The following ITM2A variants were observed in gnomAD, a reference collection of about 807,000 sequenced individuals.
ITM2A encodes integral membrane protein 2A, also known as BRICHOS domain containing 2A.
In ITM2A, 11 loss-of-function variants were observed where a neutral mutation model predicts 16.6. That is an observed-to-expected ratio of 0.66 (90% CI 0.42 to 1.10). ITM2A has a LOEUF of 1.10. Among genes scored for constraint, ITM2A ranks in the 50% least tolerant of loss-of-function variants. The probability of loss-of-function intolerance (pLI) is 0.00; values close to 1 mark genes in which losing one functional copy is unlikely to be tolerated. For synonymous variants in ITM2A, 102 were observed against 71.2 expected (o/e 1.43, Z -2.18); for missense variants, 243 against 206.8 (o/e 1.17, Z -1.07).
rs14518 is a variant in ITM2A, at chrX:79,361,170, G to T, written c.711C>A (p.Asn237Lys). Residue 237 changes from asparagine (N) to lysine (K), a missense_variant, in exon 6 of 6, where the codon AAC (asparagine) becomes AAA (lysine). By Grantham distance (94) the Asn-to-Lys change is moderately conservative. Coordinates refer to ENST00000373298, the MANE Select transcript of ITM2A (RefSeq NM_004867.5). ...LRRRDLLLGF[N>K]KRAIDKCWKI... ...TCCAGCATTTATCAATGGCACGTTT[G>T]TTGAAACCTGTAAGGAAATGTGCAA... is the stretch of plus-strand genomic sequence containing the variant. 1.7e-6 allele frequency: 2 copies of T among 1,194,301 alleles called. No homozygotes were observed. Among genetic ancestry groups the T allele is most frequent in the Non-Finnish European group, 2.3e-6 (2 of 882,562 alleles).
intron 2 of ITM2A, 70 bp downstream of exon 2, chrX:79,363,353 T>A: frequency 1.1e-6 from 1 of 934,601 alleles, no homozygotes. Context: ...ACTACAGAAT[T>A]TTTTAAGTTG....
chrX:79,364,659 T>C (rs1925523314), intron 1 of ITM2A, among the ~76,000 whole-genome samples: 1 of 112,305 alleles, frequency 8.9e-6, no homozygotes, highest in Non-Finnish European at 1.9e-5. Context: ...TTTAGTCTTT[T>C]AGGTCATTAG....
At chrX:79,366,859 C>T (rs760059355) in intron 1 of ITM2A, 12 of 345,475 alleles carry the variant, frequency 3.5e-5, no homozygotes, top group African/African-American at 1.6e-4. Flanking sequence ...TCTCTGACCT[C>T]CCTCCAGGAC....
chrX:79,361,822 C>T (rs1925427334), intron 4 of ITM2A, among the ~76,000 whole-genome samples: 1 of 103,226 alleles, frequency 9.7e-6, no homozygotes, highest in Admixed American at 1.1e-4. Flanking sequence ...CAGCTTTATC[C>T]ATGTCTCTGC....
At chrX:79,365,098 G>A (rs185882164) in intron 1 of ITM2A, among the ~76,000 whole-genome samples, 38 of 111,595 alleles carry the variant, frequency 3.4e-4, no homozygotes, top group African/African-American at 1.1e-3. Context: ...TAAAGATAAA[G>A]TAACTTGCTC....
At chrX:79,363,615 A>G in intron 1 of ITM2A, 61 bp from the exon 2 acceptor site, 1 of 884,378 alleles carries the variant, frequency 1.1e-6, no homozygotes, top group Non-Finnish European at 1.5e-6. Flanking sequence ...CACATAGTTG[A>G]TTTTGTGTAC....
intron 4 of ITM2A, 108 bp downstream of exon 4, chrX:79,362,473 T>C: frequency 4.5e-6 from 2 of 441,239 alleles, no homozygotes; most frequent in East Asian, 3.9e-5. Flanking sequence ...TTCAAAATTA[T>C]TTCAATAAAA....
At chrX:79,363,214 T>G in intron 2 of ITM2A, 75 bp from the exon 3 acceptor site, 1 of 866,527 alleles carries the variant, frequency 1.2e-6, no homozygotes, top group East Asian at 3.4e-5. Flanking sequence ...TTCACACTCA[T>G]ATCAATTCAT....
In ITM2A at chrX:79,367,228, G is replaced by C; in HGVS notation, c.-13C>G. On this transcript the variant is annotated 5_prime_UTR_variant, in exon 1 of 6. Transcript: ENST00000373298. Reference sequence around the variant, plus strand: ...CGATTTTCACCATAGTGAATCTTCGGGCTGCGCGGTAAGGCGCTGCTGGAA... The same window carrying C: ...CGATTTTCACCATAGTGAATCTTCGCGCTGCGCGGTAAGGCGCTGCTGGAA... The C allele has an allele frequency of 1.7e-6, 2 of 1,145,968 alleles. No homozygotes were observed. Among genetic ancestry groups the C allele is most frequent in the Non-Finnish European group, 2.4e-6 (2 of 840,767 alleles). 94.4% of individuals were successfully genotyped at this position (1,145,968 alleles called of 1,213,427 possible). A position where few individuals can be genotyped will look rare whatever the true frequency, so the allele number is the denominator to read the frequency against.
At chrX:79,362,821 G>A (rs922913538) in intron 3 of ITM2A, 121 bp downstream of exon 3, 11 of 687,395 alleles carry the variant, frequency 1.6e-5, no homozygotes, top group African/African-American at 1.3e-4. Flanking sequence ...ACAAAAGAAT[G>A]AAAAGGCTTT....
At chrX:79,364,650 T>G (rs1925523095) in intron 1 of ITM2A, among the ~76,000 whole-genome samples, 1 of 112,138 alleles carries the variant, frequency 8.9e-6, no homozygotes, top group African/African-American at 3.2e-5. Flanking sequence ...TCGAATTGTT[T>G]TAGTCTTTTA....
chrX:79,361,198 A>C (rs1569315925), intron 5 of ITM2A, 21 bp from the exon 6 acceptor site: 1 of 1,167,695 alleles, frequency 8.6e-7, no homozygotes, highest in Admixed American at 2.3e-5. Flanking sequence ...ATGTGCAAAA[A>C]AAGTGGCTTT....
chrX:79,364,970 A>C (rs1428623054), intron 1 of ITM2A, among the ~76,000 whole-genome samples: 1 of 110,181 alleles, frequency 9.1e-6, no homozygotes, highest in Non-Finnish European at 1.9e-5. Flanking sequence ...AAAAAAAAAA[A>C]CCTAAACTAA....
Position 79,360,404 on chromosome X carries a change from T to A in ITM2A, c.*685A>T, listed in dbSNP as rs760921915. 3 of 111,689 alleles carry A rather than the reference T, an allele frequency of 2.7e-5. No homozygotes were observed. Among genetic ancestry groups the A allele is most frequent in the Non-Finnish European group, 5.7e-5 (3 of 53,032 alleles). 9.2% of individuals were successfully genotyped at this position (111,689 alleles called of 1,213,427 possible). On this transcript the variant is annotated 3_prime_UTR_variant, in exon 6 of 6. Coordinates refer to ENST00000373298, the MANE Select transcript of ITM2A (RefSeq NM_004867.5). ...AGTGGTTGTATAGAGTAAAATTTATTATAGGGTTGTAGAATTCATACAACC... is the reference window on the plus strand; with the variant it reads ...AGTGGTTGTATAGAGTAAAATTTATAATAGGGTTGTAGAATTCATACAACC...
chrX:79,365,185 AAC>A (rs1225044778), intron 1 of ITM2A, among the ~76,000 whole-genome samples: 2 of 112,301 alleles, frequency 1.8e-5, no homozygotes, highest in Non-Finnish European at 3.8e-5. Flanking sequence ...ACATGAGAAG[AAC>A]AGTTTGCACT....
At chrX:79,363,597 C>T (rs1293106770) in intron 1 of ITM2A, 43 bp from the exon 2 acceptor site, 2 of 1,028,195 alleles carry the variant, frequency 1.9e-6, no homozygotes, top group African/African-American at 3.8e-5. Flanking sequence ...CCAGATTGTA[C>T]TTTTAGACAC....
In ITM2A at chrX:79,360,551, G is replaced by T. The variant is rs962623076; in HGVS notation, c.*538C>A. ...TCTCATGAAAATTGTTCACATATAA[G>T]TCAGGTTAATTACAGAGCACCTAAC... On this transcript the variant is annotated 3_prime_UTR_variant, in exon 6 of 6. Transcript: ENST00000373298. 8 of 111,349 alleles carry T rather than the reference G, an allele frequency of 7.2e-5. No homozygotes were observed. The highest frequency in any genetic ancestry group is 2.6e-4 in the African/African-American group (8 of 30,648). The allele number at this position is 111,349 out of a possible 1,213,427, so 9.2% of individuals were successfully genotyped here. A position where few individuals can be genotyped will look rare whatever the true frequency, so the allele number is the denominator to read the frequency against.
At chrX:79,366,939 T>C in intron 1 of ITM2A, 166 bp downstream of exon 1, 1 of 426,874 alleles carries the variant, frequency 2.3e-6, no homozygotes, top group Non-Finnish European at 4.1e-6. Context: ...GAGGGTGCGG[T>C]AAGCAGAAGG....
At chrX:79,365,006 T>C (rs959507091) in intron 1 of ITM2A, among the ~76,000 whole-genome samples, 1 of 110,714 alleles carries the variant, frequency 9.0e-6, no homozygotes, top group Non-Finnish European at 1.9e-5. Context: ...GATAGAACTA[T>C]AAATTTTGAT....
Sources: allele counts gnomAD v4.1 joint callset (sites outside exome capture counted in the v4.1 genomes callset), GRCh38; gene constraint gnomAD v4.1.1; transcripts MANE v1.5; gene names NCBI Gene and HGNC (gene_info 2026-07-23, HGNC 2026-07-21).